Variants in ADGRL3 observed in about 807,000 individuals in gnomAD.
ADGRL3 encodes adhesion G protein-coupled receptor L3.
A neutral mutation model predicts 153.5 loss-of-function variants in ADGRL3; 62 were observed. That is an observed-to-expected ratio of 0.40 (90% CI 0.33 to 0.50). The LOEUF is 0.50. Ranked by LOEUF, ADGRL3 falls within the 20% of genes least tolerant of loss-of-function variation. ADGRL3 has a pLI of 0.47. For synonymous variants in ADGRL3, 710 were observed against 672.5 expected (o/e 1.06, Z -0.86); for missense variants, 1,641 against 1,859.4 (o/e 0.88, Z 2.16).
chr4:61,460,779 A>G (rs2097802562), intron 2 of ADGRL3, among the ~76,000 whole-genome samples: 4 of 152,124 alleles, frequency 2.6e-5, no homozygotes, highest in Non-Finnish European at 5.9e-5. Flanking sequence ...TTATAAAACC[A>G]TCAGATCGGC....
At chr4:61,850,128 T>G (rs1340821219) in intron 9 of ADGRL3, among the ~76,000 whole-genome samples, 4 of 152,156 alleles carry the variant, frequency 2.6e-5, no homozygotes, top group Admixed American at 2.6e-4. Flanking sequence ...CTAAGAACGT[T>G]GTGATGGTCA....
At chr4:61,603,051 C>T (rs185504768) in intron 5 of ADGRL3, among the ~76,000 whole-genome samples, 1 of 152,184 alleles carries the variant, frequency 6.6e-6, no homozygotes. Context: ...ATATTTCAAG[C>T]AATAATATTC....
At chr4:61,767,454 G>A (rs1026033647) in intron 8 of ADGRL3, among the ~76,000 whole-genome samples, 6 of 152,050 alleles carry the variant, frequency 3.9e-5, no homozygotes, top group African/African-American at 7.3e-5. Flanking sequence ...AGTAGCCTCC[G>A]TATTGATTAA....
chr4:61,584,806 A>T (rs545035610), intron 4 of ADGRL3, among the ~76,000 whole-genome samples: 1 of 152,092 alleles, frequency 6.6e-6, no homozygotes, highest in South Asian at 2.1e-4. Context: ...TTCCATTTAA[A>T]TTGACCAAAG....
intron 2 of ADGRL3, among the ~76,000 whole-genome samples, chr4:61,403,669 A>G (rs1175404913): frequency 6.6e-6 from 1 of 152,112 alleles, no homozygotes; most frequent in African/African-American, 2.4e-5. Context: ...GAAATCTGCT[A>G]TTCATAGCTA....
chr4:61,309,980 C>T (rs1373180182), intron 1 of ADGRL3, among the ~76,000 whole-genome samples: 1 of 151,854 alleles, frequency 6.6e-6, no homozygotes, highest in South Asian at 2.1e-4. Flanking sequence ...TTTTTTGGCA[C>T]TTGGCACATA....
At chr4:61,485,364 G>A (rs1031764078) in intron 2 of ADGRL3, among the ~76,000 whole-genome samples, 1 of 152,026 alleles carries the variant, frequency 6.6e-6, no homozygotes, top group African/African-American at 2.4e-5. Flanking sequence ...TTTATGTAAA[G>A]AATTTTTTAA....
At chr4:61,870,829 T>A (rs1467525879) in intron 9 of ADGRL3, among the ~76,000 whole-genome samples, 1 of 152,138 alleles carries the variant, frequency 6.6e-6, no homozygotes, top group Non-Finnish European at 1.5e-5. Context: ...TTGGAACACT[T>A]ACACACAGCT....
At chr4:61,785,625 C>A (rs1474341304) in intron 8 of ADGRL3, among the ~76,000 whole-genome samples, 2 of 152,170 alleles carry the variant, frequency 1.3e-5, no homozygotes, top group African/African-American at 4.8e-5. Context: ...CACAGATTAT[C>A]TGAATAAACC....
intron 1 of ADGRL3, among the ~76,000 whole-genome samples, chr4:61,219,669 T>C (rs1744470334): frequency 6.6e-6 from 1 of 152,232 alleles, no homozygotes; most frequent in Non-Finnish European, 1.5e-5. Flanking sequence ...GCTTTTATGC[T>C]TTTCATTAAT....
intron 1 of ADGRL3, among the ~76,000 whole-genome samples, chr4:61,321,734 T>A (rs2095360270): frequency 6.6e-6 from 1 of 152,020 alleles, no homozygotes. Context: ...AAAGGTACAG[T>A]AAAAATATGA....
chr4:61,764,115 G>A (rs1288349853), intron 8 of ADGRL3, among the ~76,000 whole-genome samples: 2 of 152,036 alleles, frequency 1.3e-5, no homozygotes, highest in East Asian at 3.9e-4. Context: ...TTATCTCTAA[G>A]CCAATTTGAA....
At chr4:61,722,665 C>T (rs569235441) in intron 6 of ADGRL3, among the ~76,000 whole-genome samples, 18 of 152,076 alleles carry the variant, frequency 1.2e-4, no homozygotes, top group Admixed American at 8.5e-4. Flanking sequence ...GTAGAAAATA[C>T]GTCAAATATA....
intron 1 of ADGRL3, among the ~76,000 whole-genome samples, chr4:61,317,060 C>T (rs998081049): frequency 3.3e-5 from 5 of 152,178 alleles, no homozygotes; most frequent in Admixed American, 6.5e-5. Context: ...GTATTTCTTT[C>T]ATTATCTAGA....
rs187658289 is a variant in ADGRL3 at position 61,519,799 on chromosome 4, T to A, written c.259+2281T>A. 2.0e-4 allele frequency among the ~76,000 whole-genome samples: 30 copies of A among 152,080 alleles called. No homozygotes were observed. The East Asian group carries it at 5.0e-3, about 26-fold the overall frequency. The stretch of plus-strand genomic sequence containing the variant: ...CCTTTCCTCCCCTCCTCCACCTTCA[T>A]AAAACAAAAACAAGTCTGTTCTAGA... On this transcript the variant is annotated intron_variant, in intron 4 of 26. Transcript: ENST00000683033.
At chr4:61,334,681 A>C (rs1403655824) in intron 1 of ADGRL3, among the ~76,000 whole-genome samples, 1 of 152,112 alleles carries the variant, frequency 6.6e-6, no homozygotes, top group East Asian at 1.9e-4. Context: ...TTACTATGTT[A>C]ATTGCTTTTT....
chr4:61,426,062 A>C (rs2097276235), intron 2 of ADGRL3, among the ~76,000 whole-genome samples: 1 of 152,228 alleles, frequency 6.6e-6, no homozygotes, highest in African/African-American at 2.4e-5. Flanking sequence ...CTGTTCATTC[A>C]AGGTTTGGAG....
At chr4:61,627,745 G>A (rs1309123002) in intron 5 of ADGRL3, among the ~76,000 whole-genome samples, 2 of 152,096 alleles carry the variant, frequency 1.3e-5, no homozygotes, top group Non-Finnish European at 2.9e-5. Context: ...TGGGTATTTC[G>A]AAGGGGATAG....
At chr4:61,745,115 G>A (rs1252825279) in intron 8 of ADGRL3, among the ~76,000 whole-genome samples, 1 of 152,182 alleles carries the variant, frequency 6.6e-6, no homozygotes, top group African/African-American at 2.4e-5. Flanking sequence ...AAGGGTATCA[G>A]TGATGGAAGA....
Sources: gnomAD v4.1 joint callset for allele counts (sites outside exome capture counted in the v4.1 genomes callset) on GRCh38, gnomAD v4.1.1 for gene constraint, MANE v1.5 for transcripts, NCBI Gene and HGNC (gene_info 2026-07-23, HGNC 2026-07-21) for gene names.